LRP4: variants seen among roughly 807,000 people sequenced by gnomAD.
LRP4 encodes the protein LDL receptor related protein 4.
LRP4 carries 95 observed loss-of-function variants against 220.3 expected under a neutral mutation model. The observed-to-expected ratio is 0.43, with a 90% CI of 0.37 to 0.51. The LOEUF (loss-of-function observed/expected upper bound fraction) is 0.51, where lower values mean the gene tolerates loss of function less well. Among genes scored for constraint, LRP4 ranks in the 20% least tolerant of loss-of-function variants. LRP4 has a pLI of 0.00. For synonymous variants in LRP4, 903 were observed against 954.6 expected (o/e 0.95, Z 1.00); for missense variants, 1,925 against 2,567.0 (o/e 0.75, Z 5.40).
At chr11:46,897,224 C>T (rs565431613) in intron 7 of LRP4, among the ~76,000 whole-genome samples, 2 of 152,262 alleles carry the variant, frequency 1.3e-5, no homozygotes, top group South Asian at 4.1e-4. Flanking sequence ...TATTATGTGA[C>T]TGGCTTCCCT....
intron 34 of LRP4, among the ~76,000 whole-genome samples, chr11:46,866,277 ATTTTTTG>A (rs1373193394): frequency 5.4e-4 from 81 of 150,362 alleles, no homozygotes; most frequent in African/African-American, 1.8e-3. Context: ...TTATTTATTT[ATTTTTTG>A]TTTTTTGTTT....
intron 31 of LRP4, among the ~76,000 whole-genome samples, chr11:46,870,324 A>G (rs570731291): frequency 6.6e-6 from 1 of 152,316 alleles, no homozygotes; most frequent in Non-Finnish European, 1.5e-5. Context: ...CTAGTGGGAC[A>G]TAATATAGAA....
intron 18 of LRP4, among the ~76,000 whole-genome samples, chr11:46,884,898 C>A (rs1003157663): frequency 1.3e-5 from 2 of 151,938 alleles, no homozygotes; most frequent in Admixed American, 6.6e-5. Context: ...GGCAGCAGAG[C>A]GAGACTCCAT....
intron 13 of LRP4, among the ~76,000 whole-genome samples, chr11:46,892,383 A>C (rs1941441244): frequency 6.6e-6 from 1 of 152,192 alleles, no homozygotes. Flanking sequence ...ATGCAATTTA[A>C]AATGCATCAC....
intron 1 of LRP4, among the ~76,000 whole-genome samples, chr11:46,914,515 C>A (rs996397493): frequency 1.3e-5 from 2 of 152,234 alleles, no homozygotes; most frequent in East Asian, 3.8e-4. Context: ...CAAACTCAGG[C>A]TCTGCCAGCT....
At chr11:46,880,953 A>G (rs1345475629) in intron 20 of LRP4, among the ~76,000 whole-genome samples, 1 of 147,178 alleles carries the variant, frequency 6.8e-6, no homozygotes, top group Non-Finnish European at 1.5e-5. Context: ...TCATGCGTGT[A>G]GTCTCAGCTA....
At chr11:46,911,601 T>TA (rs1266431505) in intron 1 of LRP4, among the ~76,000 whole-genome samples, 8 of 79,350 alleles carry the variant, frequency 1.0e-4, no homozygotes, top group Admixed American at 5.2e-4. Context: ...AAAAAAAAAA[T>TA]AAATAAATAA....
Position 46,875,078 on chromosome 11 carries a change from A to C in LRP4, c.3951T>G (p.Asn1317Lys), listed in dbSNP as rs1464900697. 1.1e-5 allele frequency: 17 copies of C among 1,613,390 alleles called. No homozygotes were observed. Among genetic ancestry groups the C allele is most frequent in the Non-Finnish European group, 1.4e-5 (17 of 1,180,034 alleles). The change falls in exon 28 of 38, where the codon AAT becomes AAG. Residue 1317 changes from asparagine to lysine, a missense_variant. Asn to Lys is a moderately conservative substitution (Grantham distance 94). This residue lies in a region of LRP4 where 1,244 missense variants were observed against 1,624.9 expected (regional missense o/e 0.77). Coordinates refer to ENST00000378623, the MANE Select transcript of LRP4 (RefSeq NM_002334.4). The surrounding 1 kb of genome is among the most constrained non-coding windows in gnomAD (Gnocchi z 4.5). ...PLGFNKCGSR[N>K]GGCSHLCLPR... ...GCAAGCAGAGGTGGGAGCAGCCGCC[A>C]TTTCTCGAGCCGCACTTGTTAAAAC...
intron 31 of LRP4, among the ~76,000 whole-genome samples, chr11:46,869,917 C>A (rs1371338477): frequency 2.0e-5 from 3 of 151,948 alleles, no homozygotes; most frequent in Non-Finnish European, 4.4e-5. Context: ...ACCAGCCTGA[C>A]CAACATGGTG....
chr11:46,879,097 G>T (rs373014627), intron 21 of LRP4, 29 bp downstream of exon 21: 3 of 1,614,106 alleles, frequency 1.9e-6, no homozygotes, highest in African/African-American at 2.7e-5. Context: ...GGGCCACGGA[G>T]AAGCCAATGC....
chr11:46,879,295 G>T lies in LRP4; in HGVS notation c.2835C>A (p.Leu945=), dbSNP rs201362411. The change falls in exon 21 of 38, where the codon CTC becomes CTA. Residue 945 remains leucine (L), a synonymous_variant. Transcript: ENST00000378623. ...AGAGGGTCAGCCCAAATGGGTGGGG[G>T]AGCTGGCTTCCAATCAGCACCTGCC... ...SKRKVLIGSQ[L]PHPFGLTLYG... 9.3e-6 allele frequency: 15 copies of T among 1,614,148 alleles called. No homozygotes were observed. The Middle Eastern group carries it at 4.9e-4, about 53-fold the overall frequency.
At chr11:46,878,600 G>A (rs1941074584) in intron 22 of LRP4, among the ~76,000 whole-genome samples, 1 of 152,090 alleles carries the variant, frequency 6.6e-6, no homozygotes, top group South Asian at 2.1e-4. Flanking sequence ...AACCAAATCA[G>A]TATATTATGA....
intron 31 of LRP4, among the ~76,000 whole-genome samples, chr11:46,870,318 T>C (rs1280759264): frequency 1.3e-5 from 2 of 152,158 alleles, no homozygotes; most frequent in African/African-American, 2.4e-5. Flanking sequence ...TTTTGGCTAG[T>C]GGGACATAAT....
At chr11:46,911,093 G>C (rs928408584) in intron 1 of LRP4, among the ~76,000 whole-genome samples, 1 of 152,274 alleles carries the variant, frequency 6.6e-6, no homozygotes, top group South Asian at 2.1e-4. Context: ...TGTAAATCAG[G>C]AGTAATAACA....
chr11:46,898,860 T>G (rs1565799869), intron 6 of LRP4, 44 bp downstream of exon 6: 1 of 1,613,386 alleles, frequency 6.2e-7, no homozygotes, highest in African/African-American at 1.3e-5. Flanking sequence ...AAGCAGTTCT[T>G]CCCAGCCTGG....
rs1444841829 is a variant in LRP4 at position 46,873,955 on chromosome 11, T to C, written c.4230-362A>G. On this transcript the variant is annotated intron_variant, in intron 28 of 37. Transcript: ENST00000378623. This position sits in a 1 kb window ranked among gnomAD's most constrained non-coding sequence, Gnocchi z 4.2. Reference sequence around the variant, plus strand: ...GATTTGTCAAAACCAACCTGTGCATTTTTTAAAAGTTAAAAACAATTTTAA... The same window carrying C: ...GATTTGTCAAAACCAACCTGTGCATCTTTTAAAAGTTAAAAACAATTTTAA... 2 of 265,624 alleles carry C rather than the reference T, an allele frequency of 7.5e-6. No homozygotes were observed. Among genetic ancestry groups the C allele is most frequent in the Non-Finnish European group, 1.4e-5 (2 of 140,548 alleles). 16.5% of individuals were successfully genotyped at this position (265,624 alleles called of 1,614,324 possible). A position where few individuals can be genotyped will look rare whatever the true frequency, so the allele number is the denominator to read the frequency against.
intron 1 of LRP4, among the ~76,000 whole-genome samples, chr11:46,912,261 T>A (rs1941872701): frequency 6.6e-6 from 1 of 152,146 alleles, no homozygotes; most frequent in South Asian, 2.1e-4. Flanking sequence ...ACAGCAAAGC[T>A]CTCAAAAATG....
intron 16 of LRP4, among the ~76,000 whole-genome samples, chr11:46,888,915 C>G (rs761659808): frequency 5.3e-5 from 8 of 152,172 alleles, no homozygotes; most frequent in Non-Finnish European, 1.0e-4. Context: ...GCCAAAGTAG[C>G]AGTTCAGGGA....
intron 3 of LRP4, 74 bp downstream of exon 3, chr11:46,900,188 G>T: frequency 8.7e-7 from 1 of 1,146,870 alleles, no homozygotes; most frequent in Non-Finnish European, 1.3e-6. Flanking sequence ...TGGACCTGGG[G>T]CATTGCTTTC....
Sources: allele counts gnomAD v4.1 joint callset (sites outside exome capture counted in the v4.1 genomes callset), GRCh38; gene constraint gnomAD v4.1.1; regional missense constraint gnomAD v4.1.1; non-coding constraint Gnocchi (gnomAD v3.1); transcripts MANE v1.5; gene names NCBI Gene and HGNC (gene_info 2026-07-23, HGNC 2026-07-21).